RORB: variants seen among roughly 807,000 people sequenced by gnomAD.
The protein encoded by RORB is nuclear receptor ROR-beta.
A neutral mutation model predicts 59.1 loss-of-function variants in RORB; 6 were observed. The ratio of observed to expected loss-of-function variants is 0.10; its 90% CI spans 0.06 to 0.20. The LOEUF (loss-of-function observed/expected upper bound fraction) is 0.20, where lower values mean the gene tolerates loss of function less well. RORB is among the 10% of genes least tolerant of loss of function. The pLI is 1.00. For synonymous variants in RORB, 215 were observed against 204.5 expected (o/e 1.05, Z -0.44); for missense variants, 320 against 560.5 (o/e 0.57, Z 4.33).
intron 4 of RORB, among the ~76,000 whole-genome samples, chr9:74,658,114 A>G (rs1312405811): frequency 6.6e-6 from 1 of 152,052 alleles, no homozygotes; most frequent in African/African-American, 2.4e-5. Context: ...TATTTGGTGA[A>G]TGAATATATG....
chr9:74,497,385 A>G lies in RORB; in HGVS notation c.-592A>G, dbSNP rs1825726538. 1 of 153,190 alleles carries G rather than the reference A, an allele frequency of 6.5e-6. No individual in the cohort carries two copies. Among genetic ancestry groups the G allele is most frequent in the Admixed American group, 6.5e-5 (1 of 15,322 alleles). The allele number at this position is 153,190 out of a possible 1,614,324, so 9.5% of individuals were successfully genotyped here. On this transcript the variant is annotated 5_prime_UTR_variant, in exon 1 of 10. Transcript: ENST00000376896. ...CTGCTCCCTTCCTCCCTGTAACTGA[A>G]CAGTGAAAATTCACATTGTGGATCC...
intron 1 of RORB, among the ~76,000 whole-genome samples, chr9:74,607,166 A>G (rs1823161756): frequency 6.6e-6 from 1 of 152,218 alleles, no homozygotes; most frequent in Non-Finnish European, 1.5e-5. Context: ...GACACCAAAT[A>G]ATAGAAGTCT....
At chr9:74,658,542 A>G (rs942454815) in intron 4 of RORB, among the ~76,000 whole-genome samples, 4 of 152,202 alleles carry the variant, frequency 2.6e-5, no homozygotes, top group Non-Finnish European at 5.9e-5. Context: ...AGTGGCAATG[A>G]TAGTCTTGTT....
At chr9:74,635,470 G>C (rs1366446026) in intron 3 of RORB, among the ~76,000 whole-genome samples, 1 of 152,098 alleles carries the variant, frequency 6.6e-6, no homozygotes, top group Non-Finnish European at 1.5e-5. Context: ...CAAGATGAAC[G>C]AAGAATTTCA....
At chr9:74,625,316 C>A (rs910924594) in intron 1 of RORB, among the ~76,000 whole-genome samples, 82 of 148,436 alleles carry the variant, frequency 5.5e-4, no homozygotes, top group African/African-American at 2.0e-3. Flanking sequence ...CTCTTTATCC[C>A]AAATATGAAA....
intron 3 of RORB, 50 bp downstream of exon 3, chr9:74,634,822 T>A (rs2118433830): frequency 6.5e-7 from 1 of 1,532,414 alleles, no homozygotes; most frequent in East Asian, 2.3e-5. Context: ...AAATGGATGC[T>A]TTGCTGGAGT....
intron 1 of RORB, among the ~76,000 whole-genome samples, chr9:74,559,370 T>C (rs1822360942): frequency 6.6e-6 from 1 of 152,166 alleles, no homozygotes; most frequent in African/African-American, 2.4e-5. Context: ...GCAGACACGT[T>C]TGACCTAGCT....
intron 7 of RORB, among the ~76,000 whole-genome samples, chr9:74,666,591 C>A (rs1291086228): frequency 6.6e-6 from 1 of 151,434 alleles, no homozygotes; most frequent in East Asian, 1.9e-4. Context: ...ATTGCATAGA[C>A]CCCTGGTCAT....
intron 1 of RORB, among the ~76,000 whole-genome samples, chr9:74,535,541 C>T (rs1191667696): frequency 2.6e-5 from 4 of 151,834 alleles, no homozygotes; most frequent in Admixed American, 2.0e-4. Context: ...CAATACCGCC[C>T]CCCCACCCAC....
intron 9 of RORB, among the ~76,000 whole-genome samples, chr9:74,682,234 T>C (rs1024055683): frequency 7.4e-6 from 1 of 135,362 alleles, no homozygotes; most frequent in African/African-American, 2.8e-5. Context: ...ATAAGAATGC[T>C]GAGAGGTTGT....
In RORB at chr9:74,504,496, G is replaced by A. The variant is rs182751391; in HGVS notation, c.7+6513G>A. 3.0e-3 allele frequency among the ~76,000 whole-genome samples: 461 copies of A among 152,048 alleles called. 4 individuals carry two copies. The highest frequency in any genetic ancestry group is 5.1e-3 in the Non-Finnish European group (348 of 67,868). ...TACTCAAAAATATGCTCTTATAAAA[G>A]AACAAAAGTAATTTGCTTTGACTTA... is the stretch of plus-strand genomic sequence containing the variant. On this transcript the variant is annotated intron_variant, in intron 1 of 9. Coordinates refer to ENST00000376896, the MANE Select transcript of RORB (RefSeq NM_006914.4).
chr9:74,664,179 A>G (rs1285485622), intron 6 of RORB, among the ~76,000 whole-genome samples: 1 of 152,230 alleles, frequency 6.6e-6, no homozygotes, highest in Non-Finnish European at 1.5e-5. Flanking sequence ...GATGGACTAG[A>G]AACAATGAAT....
In RORB at chr9:74,546,437, A is replaced by T. The variant is rs11144003; in HGVS notation, c.7+48454A>T. Among the ~76,000 whole-genome samples the T allele has an allele frequency of 5.0e-3, 766 of 152,332 alleles. 27 individuals are homozygous for T. In the East Asian group the frequency reaches 0.096, roughly 19 times the overall value. Reference sequence around the variant, plus strand: ...AGGTGCTAACAAAGAATGCAGCAAAAAAAAAAGAGAAAAGCTAGTGTAGAA... The same window carrying T: ...AGGTGCTAACAAAGAATGCAGCAAATAAAAAAGAGAAAAGCTAGTGTAGAA... On this transcript the variant is annotated intron_variant, in intron 1 of 9. Coordinates refer to ENST00000376896, the MANE Select transcript of RORB (RefSeq NM_006914.4).
intron 1 of RORB, among the ~76,000 whole-genome samples, chr9:74,534,436 C>T (rs569567663): frequency 3.9e-5 from 6 of 152,100 alleles, no homozygotes; most frequent in East Asian, 1.9e-4. Context: ...CTAATGAGTG[C>T]GTTGTCTTTA....
In RORB at chr9:74,613,239, G is replaced by A. The variant is rs181211016; in HGVS notation, c.8-17043G>A. ...ATTTACTCCTTTTATGACTTAATGAGTGTTACAATCTGATTTCAGACATGA... is the reference window on the plus strand; with the variant it reads ...ATTTACTCCTTTTATGACTTAATGAATGTTACAATCTGATTTCAGACATGA... On this transcript the variant is annotated intron_variant, in intron 1 of 9. Coordinates refer to ENST00000376896, the MANE Select transcript of RORB (RefSeq NM_006914.4). Among the ~76,000 whole-genome samples, 37 of 152,248 alleles carry A rather than the reference G, an allele frequency of 2.4e-4. No homozygotes were observed. The East Asian group carries it at 6.4e-3, about 26-fold the overall frequency.
chr9:74,541,834 T>C (rs1281998255), intron 1 of RORB, among the ~76,000 whole-genome samples: 1 of 152,190 alleles, frequency 6.6e-6, no homozygotes, highest in East Asian at 1.9e-4. Context: ...AGGATAGTAA[T>C]CTTAGGACCT....
intron 1 of RORB, among the ~76,000 whole-genome samples, chr9:74,558,364 C>A (rs1484077136): frequency 2.6e-5 from 4 of 152,110 alleles, no homozygotes; most frequent in Non-Finnish European, 5.9e-5. Context: ...TGTGTGGGCA[C>A]TTCTTTGAGA....
intron 1 of RORB, among the ~76,000 whole-genome samples, chr9:74,546,154 A>G (rs1826485225): frequency 6.6e-6 from 1 of 152,178 alleles, no homozygotes; most frequent in Non-Finnish European, 1.5e-5. Context: ...AAGATTTCAA[A>G]CTGCCATGAT....
rs1194334773 is a variant in RORB at position 74,544,733 on chromosome 9, C to T, written c.7+46750C>T. ...CAAATGCACAGGTTCCTGTCTCCTT[C>T]GTGTGCACAGGAATCCTGAGGGGAA... On this transcript the variant is annotated intron_variant, in intron 1 of 9. Coordinates refer to ENST00000376896, the MANE Select transcript of RORB (RefSeq NM_006914.4). Among the ~76,000 whole-genome samples the T allele has an allele frequency of 3.3e-5, 5 of 152,198 alleles. No homozygotes were observed. The East Asian group carries it at 5.8e-4, about 18-fold the overall frequency.
Sources: gnomAD v4.1 joint callset for allele counts (sites outside exome capture counted in the v4.1 genomes callset) on GRCh38, gnomAD v4.1.1 for gene constraint, MANE v1.5 for transcripts, NCBI Gene and HGNC (gene_info 2026-07-23, HGNC 2026-07-21) for gene names.